Variants in AGBL4 observed in about 807,000 individuals in gnomAD.
The protein encoded by AGBL4 is AGBL carboxypeptidase 4, also known as cytosolic carboxypeptidase 6.
In AGBL4, 58 loss-of-function variants were observed where a neutral mutation model predicts 66.4. The observed-to-expected ratio is 0.87, with a 90% confidence interval of 0.71 to 1.09. The LOEUF is 1.09. AGBL4 is among the 50% of genes least tolerant of loss of function. The pLI is 0.00. For synonymous variants in AGBL4, 234 were observed against 222.9 expected, an observed-to-expected ratio of 1.05 and a Z score of -0.44; for missense variants, 579 against 631.0, an observed-to-expected ratio of 0.92 and a Z score of 0.88.
At chr1:49,729,153 T>C in intron 2 of AGBL4, among the ~76,000 whole-genome samples, 1 of 152,172 alleles carries the variant, frequency 6.6e-6, no homozygotes. Context: ...TTTAAAGAGG[T>C]AGTTTTTCAA....
intron 6 of AGBL4, among the ~76,000 whole-genome samples, chr1:48,672,386 G>C (rs1488378159): frequency 6.6e-6 from 1 of 152,202 alleles, no homozygotes; most frequent in Non-Finnish European, 1.5e-5. Flanking sequence ...CTGTCTCATG[G>C]ATGAGGGAGC....
chr1:49,863,876 T>G (rs1646636993), intron 1 of AGBL4, among the ~76,000 whole-genome samples: 1 of 152,188 alleles, frequency 6.6e-6, no homozygotes, highest in Non-Finnish European at 1.5e-5. Flanking sequence ...TGGAGCTTTC[T>G]CTAGAAACTA....
chr1:49,634,222 A>G (rs1244151016), intron 3 of AGBL4, among the ~76,000 whole-genome samples: 2 of 151,906 alleles, frequency 1.3e-5, no homozygotes, highest in Non-Finnish European at 2.9e-5. Flanking sequence ...CTAGCCCCCC[A>G]ACCCTGAGGG....
intron 3 of AGBL4, among the ~76,000 whole-genome samples, chr1:49,642,143 C>T (rs1645793713): frequency 2.0e-5 from 3 of 151,824 alleles, no homozygotes; most frequent in Admixed American, 6.6e-5. Flanking sequence ...TATATAAATA[C>T]TTCTTAAAGG....
At chr1:48,817,859 G>T in intron 6 of AGBL4, 1 of 602,332 alleles carries the variant, frequency 1.7e-6, no homozygotes, top group East Asian at 2.8e-5. Flanking sequence ...TTCCCAGTGT[G>T]TGTTTTTGTG....
intron 6 of AGBL4, among the ~76,000 whole-genome samples, chr1:48,861,330 A>G (rs1318469057): frequency 4.6e-5 from 7 of 152,224 alleles, no homozygotes; most frequent in Non-Finnish European, 8.8e-5. Flanking sequence ...ATAAAGGATA[A>G]AAGCAATATT....
intron 3 of AGBL4, among the ~76,000 whole-genome samples, chr1:49,652,613 C>T (rs1646030704): frequency 6.6e-6 from 1 of 152,156 alleles, no homozygotes; most frequent in African/African-American, 2.4e-5. Flanking sequence ...TGGCCACCAT[C>T]ACTAGGGCTC....
At chr1:49,147,922 A>T (rs1646251095) in intron 4 of AGBL4, among the ~76,000 whole-genome samples, 1 of 152,054 alleles carries the variant, frequency 6.6e-6, no homozygotes, top group South Asian at 2.1e-4. Context: ...CTCCCTATGC[A>T]CTATCCTGTC....
intron 4 of AGBL4, among the ~76,000 whole-genome samples, chr1:49,118,476 ATG>A (rs149416763): frequency 0.019 from 2,926 of 150,776 alleles, 103 homozygotes; most frequent in African/African-American, 0.068. Context: ...AGAGATAATC[ATG>A]TGTTTATGTG....
At chr1:49,090,427 T>C (rs1263441673) in intron 4 of AGBL4, among the ~76,000 whole-genome samples, 1 of 152,128 alleles carries the variant, frequency 6.6e-6, no homozygotes, top group African/African-American at 2.4e-5. Context: ...ATCAGTAGCA[T>C]TTCTGTACAC....
intron 4 of AGBL4, among the ~76,000 whole-genome samples, chr1:49,129,279 T>C (rs1645832460): frequency 7.9e-6 from 1 of 125,888 alleles, no homozygotes; most frequent in African/African-American, 2.5e-5. Flanking sequence ...TACTAATGAC[T>C]GTTTTTGTTT....
intron 6 of AGBL4, chr1:48,817,701 C>T (rs1646213758): frequency 1.2e-5 from 3 of 248,194 alleles, no homozygotes; most frequent in Non-Finnish European, 2.3e-5. Flanking sequence ...TGGCTCTTTG[C>T]TGCCCCCACC....
At chr1:49,803,702 T>A (rs1644914470) in intron 2 of AGBL4, among the ~76,000 whole-genome samples, 1 of 152,128 alleles carries the variant, frequency 6.6e-6, no homozygotes, top group Non-Finnish European at 1.5e-5. Flanking sequence ...GCTGACATAA[T>A]GAGATAATGA....
intron 4 of AGBL4, among the ~76,000 whole-genome samples, chr1:49,224,691 G>T (rs983445497): frequency 6.6e-6 from 1 of 151,428 alleles, no homozygotes; most frequent in African/African-American, 2.4e-5. Flanking sequence ...GTTTCTCTCT[G>T]CTGTGCAACC....
chr1:49,787,286 A>G (rs1482599918), intron 2 of AGBL4, among the ~76,000 whole-genome samples: 1 of 152,120 alleles, frequency 6.6e-6, no homozygotes, highest in Non-Finnish European at 1.5e-5. Context: ...GTGGATCACG[A>G]GGTCAGGAAA....
At chr1:48,574,574 T>C (rs1223151988) in intron 11 of AGBL4, among the ~76,000 whole-genome samples, 1 of 151,252 alleles carries the variant, frequency 6.6e-6, no homozygotes, top group Non-Finnish European at 1.5e-5. Context: ...AAGCATCCTT[T>C]ACCTCCTCTC....
chr1:49,270,733 G>T (rs1299049133), intron 3 of AGBL4, among the ~76,000 whole-genome samples: 1 of 152,016 alleles, frequency 6.6e-6, no homozygotes, highest in Non-Finnish European at 1.5e-5. Context: ...CCATAATGAA[G>T]TTATTAAACT....
chr1:49,218,194 TG>T (rs1402515592), intron 4 of AGBL4, among the ~76,000 whole-genome samples: 1 of 152,074 alleles, frequency 6.6e-6, no homozygotes, highest in Non-Finnish European at 1.5e-5. Flanking sequence ...CCCTGGTTTC[TG>T]GGGTCAAGCT....
At chr1:48,937,013 C>A (rs966130102) in intron 5 of AGBL4, among the ~76,000 whole-genome samples, 2 of 152,168 alleles carry the variant, frequency 1.3e-5, no homozygotes, top group South Asian at 2.1e-4. Context: ...CTGAAAGGGG[C>A]CTCAGCAAAC....
Sources: allele counts gnomAD v4.1 joint callset (sites outside exome capture counted in the v4.1 genomes callset), GRCh38; gene constraint gnomAD v4.1.1; transcripts MANE v1.5; gene names NCBI Gene and HGNC (gene_info 2026-07-23, HGNC 2026-07-21).